Variants in CNNM4 observed in about 807,000 individuals in gnomAD.
CNNM4 encodes cyclin and CBS domain divalent metal cation transport mediator 4, also known as metal transporter CNNM4.
CNNM4 carries 32 observed loss-of-function variants against 53.7 expected under a neutral mutation model. That is an observed-to-expected ratio of 0.60 (90% confidence interval 0.45 to 0.80). The LOEUF (loss-of-function observed/expected upper bound fraction) is 0.80. CNNM4 is among the 30% of genes least tolerant of loss of function. The pLI, the probability that CNNM4 is intolerant of heterozygous loss-of-function variation, is 0.00. For missense variants in CNNM4, 784 were observed against 1,022.0 expected (o/e 0.77, Z 3.17); for synonymous variants, 410 against 440.0 (o/e 0.93, Z 0.85).
rs192233731 is a variant in CNNM4 at position 96,796,932 on chromosome 2, G to C, written c.1403-80G>C. 422 of 1,468,118 alleles carry C rather than the reference G, an allele frequency of 2.9e-4. 2 individuals carry two copies. In the East Asian group the frequency reaches 7.0e-3, roughly 24 times the overall value. The allele number at this position is 1,468,118 out of a possible 1,614,324, so 90.9% of individuals were successfully genotyped here. A position where few individuals can be genotyped will look rare whatever the true frequency, so the allele number is the denominator to read the frequency against. Reference sequence around the variant, plus strand: ...CCATCCTGGTGACTTATGACCCTACGTCTAGAGTTAATGTTTTGGTTGAGG... The same window carrying C: ...CCATCCTGGTGACTTATGACCCTACCTCTAGAGTTAATGTTTTGGTTGAGG... On this transcript the variant is annotated intron_variant, in intron 1 of 6. Transcript: ENST00000377075.
In CNNM4 at chr2:96,809,109, T is replaced by C. The variant is rs1355344243; in HGVS notation, c.2131-211T>C. ...TGCCCGCCTCAGCCTCCTGAAGTGC[T>C]GGGATTACAGGTGTGAGCCACTGTG... On this transcript the variant is annotated intron_variant, in intron 6 of 6. Coordinates refer to ENST00000377075, the MANE Select transcript of CNNM4 (RefSeq NM_020184.4). 49 of 1,087,876 alleles carry C rather than the reference T, an allele frequency of 4.5e-5. No homozygotes were observed. In the East Asian group the frequency reaches 1.2e-3, roughly 26 times the overall value. 67.4% of individuals were successfully genotyped at this position (1,087,876 alleles called of 1,614,324 possible). A position where few individuals can be genotyped will look rare whatever the true frequency, so the allele number is the denominator to read the frequency against.
chr2:96,790,080 C>T (rs549195440), intron 1 of CNNM4, among the ~76,000 whole-genome samples: 27 of 139,160 alleles, frequency 1.9e-4, no homozygotes, highest in Admixed American at 6.1e-4. Context: ...GATCTCGGCT[C>T]ACTGCAGGCT....
At chr2:96,780,143 C>T (rs909503038) in intron 1 of CNNM4, among the ~76,000 whole-genome samples, 5 of 152,104 alleles carry the variant, frequency 3.3e-5, no homozygotes, top group Admixed American at 6.6e-5. Context: ...TCTGTGAACA[C>T]GATGACCTTT....
intron 5 of CNNM4, among the ~76,000 whole-genome samples, chr2:96,804,546 C>T (rs1373428633): frequency 6.6e-6 from 1 of 152,076 alleles, no homozygotes; most frequent in Admixed American, 6.5e-5. Flanking sequence ...GGATTACAGG[C>T]ATGCACCACC....
chr2:96,784,988 A>G (rs1378098787), intron 1 of CNNM4, among the ~76,000 whole-genome samples: 1 of 152,052 alleles, frequency 6.6e-6, no homozygotes, highest in African/African-American at 2.4e-5. Context: ...AGCGATTCTC[A>G]TGCCTCAGCC....
intron 1 of CNNM4, among the ~76,000 whole-genome samples, chr2:96,762,920 G>T (rs2078778844): frequency 1.3e-5 from 2 of 152,196 alleles, no homozygotes; most frequent in East Asian, 1.9e-4. Context: ...CTGTTTGGTG[G>T]GTATAGTGGC....
chr2:96,773,537 C>T (rs1389402934), intron 1 of CNNM4, among the ~76,000 whole-genome samples: 1 of 151,974 alleles, frequency 6.6e-6, no homozygotes. Context: ...CATGTACCCA[C>T]AAAAATTTAA....
chr2:96,779,973 T>G (rs1439912487), intron 1 of CNNM4, among the ~76,000 whole-genome samples: 5 of 152,064 alleles, frequency 3.3e-5, no homozygotes, highest in Non-Finnish European at 1.5e-5. Flanking sequence ...CAGCTAATTT[T>G]TGTATTTTAG....
chr2:96,769,918 C>G (rs1167865802), intron 1 of CNNM4, among the ~76,000 whole-genome samples: 2 of 152,222 alleles, frequency 1.3e-5, no homozygotes, highest in Admixed American at 6.5e-5. Flanking sequence ...GGTTAATACT[C>G]CGGGTGCAGG....
chr2:96,806,553 G>GCGCA (rs1340550592), intron 5 of CNNM4, among the ~76,000 whole-genome samples: 9 of 148,786 alleles, frequency 6.0e-5, no homozygotes, highest in African/African-American at 7.5e-5. Flanking sequence ...GCGCGCGCGC[G>GCGCA]CCCTTAGTTA....
chr2:96,777,596 G>A (rs2078937001), intron 1 of CNNM4, among the ~76,000 whole-genome samples: 1 of 152,072 alleles, frequency 6.6e-6, no homozygotes, highest in Admixed American at 6.5e-5. Flanking sequence ...CACCTCCTGG[G>A]TTCAAGTGAT....
chr2:96,791,670 A>T (rs1338317055), intron 1 of CNNM4, among the ~76,000 whole-genome samples: 1 of 152,100 alleles, frequency 6.6e-6, no homozygotes, highest in African/African-American at 2.4e-5. Context: ...AGTAGTCCTT[A>T]GTCAATGAAA....
chr2:96,772,160 C>T (rs2078877608), intron 1 of CNNM4, among the ~76,000 whole-genome samples: 2 of 151,868 alleles, frequency 1.3e-5, no homozygotes, highest in African/African-American at 4.8e-5. Flanking sequence ...CATGTGCACA[C>T]CCACACTCAT....
rs187426899 is a variant in CNNM4, at chr2:96,809,448, C to T, written c.2259C>T (p.Asp753=). ...AGAAGTCTGAGCTGCCTGTGGTGGA[C>T]GAGACCACAACTCTTCTCAACGAGC... ...LAEKSELPVV[D]ETTTLLNERN... is the part of the protein sequence containing the mutation. Residue 753 remains aspartate (D), a synonymous_variant, in exon 7 of 7, where the codon GAC becomes GAT. Transcript: ENST00000377075. The T allele has an allele frequency of 8.1e-5, 131 of 1,614,164 alleles. No homozygotes were observed. Among genetic ancestry groups the T allele is most frequent in the African/African-American group, 4.0e-5 (3 of 75,050 alleles).
Position 96,809,918 on chromosome 2 carries a change from T to C in CNNM4, c.*401T>C, listed in dbSNP as rs2079242944. The C allele has an allele frequency of 6.2e-6, 1 of 162,208 alleles. No homozygotes were observed. The highest frequency in any genetic ancestry group is 1.4e-5 in the Non-Finnish European group (1 of 73,522). 10.0% of individuals were successfully genotyped at this position (162,208 alleles called of 1,614,324 possible). On this transcript the variant is annotated 3_prime_UTR_variant, in exon 7 of 7. Transcript: ENST00000377075. ...TTCTTGTCCCGGGAAGCAACGGACA[T>C]AATCTGTTCCCAGCCATGGCCTTCC... is the stretch of plus-strand genomic sequence containing the variant.
At chr2:96,771,574 C>T (rs1357788498) in intron 1 of CNNM4, among the ~76,000 whole-genome samples, 3 of 151,872 alleles carry the variant, frequency 2.0e-5, no homozygotes, top group South Asian at 2.1e-4. Context: ...TTTAGCCGGT[C>T]GTGGTGGTGC....
Position 96,797,554 on chromosome 2 carries a change from C to G in CNNM4, c.1588C>G (p.Arg530Gly). The part of the protein sequence containing the change: ...SRKRVSEKNK[R>G]DFSAFKDADN... ...GAAGCGGGTGTCTGAGAAGAACAAG[C>G]GTGACTTCTCTGCCTTCAAGGATGC... The change falls in exon 3 of 7, where the codon CGT becomes GGT. Residue 530 changes from arginine (R) to glycine (G), a missense_variant. Physicochemically the swap from Arg to Gly is moderately radical, Grantham distance 125. Coordinates refer to ENST00000377075, the MANE Select transcript of CNNM4 (RefSeq NM_020184.4). This position sits in a 1 kb window ranked among gnomAD's most constrained non-coding sequence, Gnocchi z 6.0. 1.9e-6 allele frequency: 3 copies of G among 1,614,150 alleles called. No homozygotes were observed. The highest frequency in any genetic ancestry group is 2.2e-5 in the South Asian group (2 of 91,078).
At position 96,808,686 on chromosome 2, in the gene CNNM4, G is replaced by T; in HGVS notation, c.2074G>T (p.Gly692Cys). 1 of 1,614,128 alleles carries T rather than the reference G, an allele frequency of 6.2e-7. No individual in the cohort carries two copies. Among genetic ancestry groups the T allele is most frequent in the Non-Finnish European group, 8.5e-7 (1 of 1,180,028 alleles). ...CAACCAGTTTGGCAGCTCTGTCCTGGGCCAGTACATCTCTGACTTCAGCGT... is the reference window on the plus strand; with the variant it reads ...CAACCAGTTTGGCAGCTCTGTCCTGTGCCAGTACATCTCTGACTTCAGCGT... ...SSNQFGSSVL[G>C]QYISDFSVRA... The change falls in exon 6 of 7, where the codon GGC becomes TGC. Residue 692 changes from glycine to cysteine, a missense_variant. This residue lies in a region of CNNM4 where 307 missense variants were observed against 376.3 expected (regional missense o/e 0.82). Transcript: ENST00000377075. The surrounding 1 kb of genome is among the most constrained non-coding windows in gnomAD (Gnocchi z 4.9).
chr2:96,772,950 G>A (rs2078892510), intron 1 of CNNM4, among the ~76,000 whole-genome samples: 1 of 149,992 alleles, frequency 6.7e-6, no homozygotes, highest in South Asian at 2.1e-4. Context: ...GGCACAGGCA[G>A]GTGCTCTCAC....
Sources: allele counts gnomAD v4.1 joint callset (sites outside exome capture counted in the v4.1 genomes callset), GRCh38; gene constraint gnomAD v4.1.1; regional missense constraint gnomAD v4.1.1; non-coding constraint Gnocchi (gnomAD v3.1); transcripts MANE v1.5; gene names NCBI Gene and HGNC (gene_info 2026-07-23, HGNC 2026-07-21).